Variants in COBLL1 observed in about 807,000 individuals in gnomAD.
COBLL1 encodes the protein cordon-bleu protein-like 1.
Under a neutral mutation model 94.8 loss-of-function variants are expected in COBLL1, and 50 were observed. The ratio of observed to expected loss-of-function variants is 0.53; its 90% confidence interval spans 0.42 to 0.67. The LOEUF is 0.67. Ranked by LOEUF, COBLL1 falls within the 30% of genes least tolerant of loss-of-function variation. COBLL1 has a pLI of 0.00. For synonymous variants in COBLL1, 448 were observed against 473.8 expected (o/e 0.95, Z 0.71); for missense variants, 1,362 against 1,348.7 (o/e 1.01, Z -0.15).
chr2:164,788,744 T>C (rs1683010923), intron 2 of COBLL1, among the ~76,000 whole-genome samples: 1 of 151,820 alleles, frequency 6.6e-6, no homozygotes, highest in South Asian at 2.1e-4. Flanking sequence ...ATCTCAGCAC[T>C]CTGGCAGGCC....
At chr2:164,701,113 T>C (rs145443907) in intron 9 of COBLL1, among the ~76,000 whole-genome samples, 1 of 152,348 alleles carries the variant, frequency 6.6e-6, no homozygotes, top group African/African-American at 2.4e-5. Flanking sequence ...AAAGGCAAAT[T>C]AATAATTTTA....
intron 2 of COBLL1, among the ~76,000 whole-genome samples, chr2:164,663,869 A>G (rs1267075935): frequency 6.6e-6 from 1 of 152,224 alleles, no homozygotes; most frequent in Non-Finnish European, 1.5e-5. Context: ...GTGTGACAAG[A>G]TAAATGGAAG....
chr2:164,712,210 G>A (rs2105474386), intron 7 of COBLL1, among the ~76,000 whole-genome samples: 1 of 151,954 alleles, frequency 6.6e-6, no homozygotes, highest in South Asian at 2.1e-4. Context: ...ATAAAAAGTG[G>A]GTCATTGAAA....
intron 2 of COBLL1, among the ~76,000 whole-genome samples, chr2:164,758,775 T>C (rs1349453256): frequency 2.6e-5 from 4 of 152,120 alleles, no homozygotes; most frequent in Non-Finnish European, 2.9e-5. Flanking sequence ...ATTACAAATA[T>C]ATATTTCTAC....
rs1276972780 is a variant in COBLL1 at position 164,714,049 on chromosome 2, G to A, written c.996+8026C>T. On this transcript the variant is annotated intron_variant, in intron 7 of 13. Coordinates refer to ENST00000652658, the MANE Select transcript of COBLL1 (RefSeq NM_001365672.2). ...AAGGTGAAGGAAAAAAAATGACAAC[G>A]GCAAAGAAGAAGATAATAGACCTAT... Among the ~76,000 whole-genome samples the A allele has an allele frequency of 3.3e-5, 5 of 151,580 alleles. 1 individual carries two copies. The South Asian group carries it at 6.2e-4, about 19-fold the overall frequency.
intron 7 of COBLL1, among the ~76,000 whole-genome samples, chr2:164,717,086 A>G (rs1468161556): frequency 6.6e-6 from 1 of 152,154 alleles, no homozygotes; most frequent in East Asian, 1.9e-4. Flanking sequence ...CGCATGAATA[A>G]GCATTTTCTA....
intron 5 of COBLL1, chr2:164,725,038 G>T (rs966107622): frequency 2.7e-5 from 4 of 147,998 alleles, no homozygotes; most frequent in Non-Finnish European, 4.5e-5. Flanking sequence ...TGTGAGGGAA[G>T]TATCAAAAGT....
In COBLL1 at chr2:164,681,696, TTC is replaced by T. The variant is rs756470289; in HGVS notation, c.*4248_*4249del. On this transcript the variant is annotated 3_prime_UTR_variant, in exon 14 of 14. Transcript: ENST00000652658. ...ATAAACTGGGGAGCAAAAAAGTTGC[TTC>T]TTTTTGAAAACTATACATTTGTTTG... 1.3e-5 allele frequency: 2 copies of T among 152,210 alleles called. No homozygotes were observed. The highest frequency in any genetic ancestry group is 2.9e-5 in the Non-Finnish European group (2 of 68,034). 9.4% of individuals were successfully genotyped at this position (152,210 alleles called of 1,614,324 possible). A position where few individuals can be genotyped will look rare whatever the true frequency, so the allele number is the denominator to read the frequency against.
At chr2:164,836,627 AAAG>A (rs914359543) in intron 2 of COBLL1, among the ~76,000 whole-genome samples, 47 of 152,234 alleles carry the variant, frequency 3.1e-4, no homozygotes, top group African/African-American at 1.1e-3. Context: ...ACTTATTCAA[AAAG>A]AAGTAGCAAA....
chr2:164,769,200 G>A (rs1688081510), intron 2 of COBLL1, among the ~76,000 whole-genome samples: 2 of 152,110 alleles, frequency 1.3e-5, no homozygotes, highest in Admixed American at 6.5e-5. Flanking sequence ...TGCGGGGTTA[G>A]AATTTTTAAT....
At chr2:164,798,804 G>A (rs1683608584) in intron 2 of COBLL1, among the ~76,000 whole-genome samples, 1 of 151,606 alleles carries the variant, frequency 6.6e-6, no homozygotes, top group Non-Finnish European at 1.5e-5. Flanking sequence ...CGGATCACGA[G>A]GTCAGGAGAT....
intron 13 of COBLL1, 45 bp downstream of exon 13, chr2:164,692,176 G>A: frequency 6.7e-7 from 1 of 1,497,386 alleles, no homozygotes; most frequent in Non-Finnish European, 8.9e-7. Flanking sequence ...GTTTGACAAT[G>A]GTGACAATAA....
intron 3 of COBLL1, among the ~76,000 whole-genome samples, chr2:164,734,056 G>A (rs1179183278): frequency 6.6e-6 from 1 of 152,100 alleles, no homozygotes; most frequent in Non-Finnish European, 1.5e-5. Context: ...TCATTAATCA[G>A]AAACTCTGGG....
In COBLL1 at chr2:164,831,568, C is replaced by T. The variant is rs141574650; in HGVS notation, c.41+9588G>A. 1.6e-4 allele frequency among the ~76,000 whole-genome samples: 25 copies of T among 151,834 alleles called. No individual in the cohort carries two copies. In the East Asian group the frequency reaches 4.9e-3, roughly 29 times the overall value. The stretch of plus-strand genomic sequence containing the variant: ...TTTTGCTTTAAGTTAAAGCACCTAG[C>T]TGCCATCTGGAAATGGGGAACAACA... On this transcript the variant is annotated intron_variant, in intron 2 of 13. Coordinates refer to ENST00000652658, the MANE Select transcript of COBLL1 (RefSeq NM_001365672.2).
chr2:164,739,429 C>A (rs1381043635), intron 3 of COBLL1, among the ~76,000 whole-genome samples: 1 of 152,122 alleles, frequency 6.6e-6, no homozygotes, highest in East Asian at 1.9e-4. Flanking sequence ...CAAAAATATT[C>A]CCCAAGAACA....
At position 164,724,900 on chromosome 2, in the gene COBLL1, T is replaced by C. The variant is rs1685637861; in HGVS notation, c.662-2378A>G. The C allele has an allele frequency of 2.0e-5, 3 of 151,878 alleles. No individual in the cohort carries two copies. In the South Asian group the frequency reaches 6.2e-4, roughly 31 times the overall value. 9.4% of individuals were successfully genotyped at this position (151,878 alleles called of 1,614,324 possible). A position where few individuals can be genotyped will look rare whatever the true frequency, so the allele number is the denominator to read the frequency against. On this transcript the variant is annotated intron_variant, in intron 5 of 13. Transcript: ENST00000652658. The stretch of plus-strand genomic sequence containing the variant: ...AAACTTTTAAATCTGATGATTCAAA[T>C]ATTAAATAAGCAGCATACATTCTGC...
intron 2 of COBLL1, among the ~76,000 whole-genome samples, chr2:164,785,139 T>C (rs1688895002): frequency 1.3e-5 from 2 of 152,174 alleles, no homozygotes; most frequent in African/African-American, 2.4e-5. Context: ...AGAAAGTACA[T>C]TTCTAGTCTT....
chr2:164,803,379 A>C (rs1048814107), intron 2 of COBLL1, among the ~76,000 whole-genome samples: 5 of 151,274 alleles, frequency 3.3e-5, no homozygotes, highest in African/African-American at 4.9e-5. Context: ...TCCCGGCTAA[A>C]ACGGTGAAAC....
At chr2:164,707,903 T>C (rs2105464099) in intron 7 of COBLL1, among the ~76,000 whole-genome samples, 1 of 152,240 alleles carries the variant, frequency 6.6e-6, no homozygotes, top group East Asian at 1.9e-4. Flanking sequence ...ATTTACTATT[T>C]TGTAATTTTT....
Sources: allele counts gnomAD v4.1 joint callset (sites outside exome capture counted in the v4.1 genomes callset), GRCh38; gene constraint gnomAD v4.1.1; transcripts MANE v1.5; gene names NCBI Gene and HGNC (gene_info 2026-07-23, HGNC 2026-07-21).